The following GALNT17 variants were observed in gnomAD, a reference collection of about 807,000 sequenced individuals.
GALNT17 encodes the protein polypeptide N-acetylgalactosaminyltransferase 17.
GALNT17 carries 29 observed loss-of-function variants against 63.7 expected under a neutral mutation model. The ratio of observed to expected loss-of-function variants is 0.46; its 90% CI spans 0.34 to 0.62. GALNT17 has a LOEUF of 0.62. Among genes scored for constraint, GALNT17 ranks in the 20% least tolerant of loss-of-function variants. The pLI is 0.01. For synonymous variants in GALNT17, 305 were observed against 318.3 expected, an observed-to-expected ratio of 0.96 and a Z score of 0.45; for missense variants, 603 against 799.6, an observed-to-expected ratio of 0.75 and a Z score of 2.97.
At chr7:71,189,936 G>T (rs1327752023) in intron 1 of GALNT17, among the ~76,000 whole-genome samples, 1 of 151,162 alleles carries the variant, frequency 6.6e-6, no homozygotes, top group Non-Finnish European at 1.5e-5. Context: ...TCAGCCTCCC[G>T]AGTAGCTGGG....
chr7:71,700,317 AAAAG>A lies in GALNT17; in HGVS notation c.1501-10441_1501-10438del, dbSNP rs1245291387. On this transcript the variant is annotated intron_variant, in intron 9 of 10. Transcript: ENST00000333538. ...AGTGAGACTTTCTCAAAAAAAAAAA[AAAAG>A]AAGAATTCTTAACTACTTAACTTGT... Among the ~76,000 whole-genome samples, 348 of 152,102 alleles carry A rather than the reference AAAAG, an allele frequency of 2.3e-3. 1 individual carries two copies. Among genetic ancestry groups the A allele is most frequent in the African/African-American group, 8.1e-3 (337 of 41,524 alleles).
At position 71,617,313 on chromosome 7, in the gene GALNT17, G is replaced by T. The variant is rs530502248; in HGVS notation, c.1080+45911G>T. 6.1e-3 allele frequency among the ~76,000 whole-genome samples: 909 copies of T among 149,628 alleles called. 8 individuals carry two copies. The highest frequency in any genetic ancestry group is 0.02 in the African/African-American group (832 of 40,944). On this transcript the variant is annotated intron_variant, in intron 6 of 10. Transcript: ENST00000333538. ...TTTGGTTTTTTTTTTGCAGGGGCGGGGGGGGTTGGTTTTTTTGTTTTTTTT... is the reference window on the plus strand; with the variant it reads ...TTTGGTTTTTTTTTTGCAGGGGCGGTGGGGGTTGGTTTTTTTGTTTTTTTT...
intron 1 of GALNT17, among the ~76,000 whole-genome samples, chr7:71,270,523 C>A (rs1790566262): frequency 7.5e-6 from 1 of 133,214 alleles, no homozygotes; most frequent in Non-Finnish European, 1.6e-5. Flanking sequence ...AGACTACGTA[C>A]CCTCCCCACC....
chr7:71,445,514 A>G (rs961680101), intron 5 of GALNT17, among the ~76,000 whole-genome samples: 4 of 149,756 alleles, frequency 2.7e-5, no homozygotes, highest in Admixed American at 6.7e-5. Context: ...AGGCTTCAAC[A>G]TGGTCATGAG....
intron 1 of GALNT17, among the ~76,000 whole-genome samples, chr7:71,186,608 A>G (rs965475765): frequency 6.6e-6 from 1 of 152,202 alleles, no homozygotes; most frequent in Admixed American, 6.5e-5. Flanking sequence ...TTTCACTTCC[A>G]GTTTGCCATT....
chr7:71,300,185 G>A, intron 1 of GALNT17: 1 of 280,074 alleles, frequency 3.6e-6, no homozygotes, highest in South Asian at 3.2e-5. Context: ...TAAAACTTTT[G>A]TGGGAGATGA....
intron 1 of GALNT17, among the ~76,000 whole-genome samples, chr7:71,144,825 C>T (rs1368515311): frequency 2.0e-5 from 3 of 152,042 alleles, no homozygotes; most frequent in Non-Finnish European, 2.9e-5. Flanking sequence ...GCCTCCTGGA[C>T]TCAAGCAATT....
intron 1 of GALNT17, among the ~76,000 whole-genome samples, chr7:71,178,017 C>A (rs950907111): frequency 2.6e-5 from 4 of 152,082 alleles, no homozygotes; most frequent in Admixed American, 2.6e-4. Context: ...GTATTCACTC[C>A]CTCCTGTATA....
chr7:71,648,468 G>A (rs910126469), intron 6 of GALNT17, among the ~76,000 whole-genome samples: 3 of 152,038 alleles, frequency 2.0e-5, no homozygotes, highest in African/African-American at 4.8e-5. Context: ...TAGAGACGGG[G>A]TCTTGTTATG....
chr7:71,289,004 G>A (rs376213394), intron 1 of GALNT17, among the ~76,000 whole-genome samples: 1 of 152,258 alleles, frequency 6.6e-6, no homozygotes, highest in East Asian at 1.9e-4. Flanking sequence ...GTGACGACAG[G>A]TCCAGGGTCA....
intron 1 of GALNT17, among the ~76,000 whole-genome samples, chr7:71,294,758 T>C (rs1791047424): frequency 6.6e-6 from 1 of 152,176 alleles, no homozygotes; most frequent in Admixed American, 6.5e-5. Flanking sequence ...ATCTATTAGT[T>C]CTATTTTGTA....
chr7:71,670,202 A>G (rs1791048161), intron 8 of GALNT17, 93 bp downstream of exon 8: 2 of 1,564,260 alleles, frequency 1.3e-6, no homozygotes, highest in Non-Finnish European at 8.7e-7. Flanking sequence ...TCATTCATTC[A>G]TTCAATGAGT....
At chr7:71,699,531 G>A (rs1031625360) in intron 9 of GALNT17, among the ~76,000 whole-genome samples, 1 of 150,980 alleles carries the variant, frequency 6.6e-6, no homozygotes, top group African/African-American at 2.4e-5. Context: ...GTGAAATGTT[G>A]AATTAAAAAG....
intron 5 of GALNT17, among the ~76,000 whole-genome samples, chr7:71,425,285 C>A (rs897753319): frequency 2.0e-5 from 3 of 151,732 alleles, no homozygotes; most frequent in Admixed American, 6.6e-5. Context: ...TGCAGGGGAG[C>A]GATCTCGGCT....
intron 1 of GALNT17, among the ~76,000 whole-genome samples, chr7:71,272,619 T>C (rs1381901314): frequency 6.6e-6 from 1 of 152,200 alleles, no homozygotes; most frequent in Non-Finnish European, 1.5e-5. Flanking sequence ...TAAAGCTCTT[T>C]CTCCTGCAGC....
At chr7:71,606,525 A>G (rs1321810001) in intron 6 of GALNT17, among the ~76,000 whole-genome samples, 1 of 152,172 alleles carries the variant, frequency 6.6e-6, no homozygotes, top group African/African-American at 2.4e-5. Flanking sequence ...TGTGGCAGCA[A>G]CAGCACACTT....
chr7:71,318,144 G>A (rs1165411613), intron 1 of GALNT17, among the ~76,000 whole-genome samples: 1 of 152,112 alleles, frequency 6.6e-6, no homozygotes, highest in Non-Finnish European at 1.5e-5. Context: ...GGCCTCAAGT[G>A]ATCTTCCCAC....
At chr7:71,282,646 C>T (rs1462908250) in intron 1 of GALNT17, among the ~76,000 whole-genome samples, 1 of 145,990 alleles carries the variant, frequency 6.8e-6, no homozygotes, top group Admixed American at 6.8e-5. Flanking sequence ...AGAATGTCCT[C>T]AGGACATCCT....
In GALNT17 at chr7:71,598,413, T is replaced by C. The variant is rs1054867025; in HGVS notation, c.1080+27011T>C. Reference sequence around the variant, plus strand: ...AGTTGACAATGGGTCATCAGAGATATAGGCAATGCACCCATATAGGCATGG... The same window carrying C: ...AGTTGACAATGGGTCATCAGAGATACAGGCAATGCACCCATATAGGCATGG... On this transcript the variant is annotated intron_variant, in intron 6 of 10. Coordinates refer to ENST00000333538, the MANE Select transcript of GALNT17 (RefSeq NM_022479.3). Among the ~76,000 whole-genome samples, 8 of 152,200 alleles carry C rather than the reference T, an allele frequency of 5.3e-5. No individual in the cohort carries two copies. In the South Asian group the frequency reaches 1.2e-3, roughly 24 times the overall value.
Sources: allele counts gnomAD v4.1 joint callset (sites outside exome capture counted in the v4.1 genomes callset), GRCh38; gene constraint gnomAD v4.1.1; transcripts MANE v1.5; gene names NCBI Gene and HGNC (gene_info 2026-07-23, HGNC 2026-07-21).